MPPED2: variants seen among roughly 807,000 people sequenced by gnomAD.
MPPED2 encodes metallophosphoesterase domain containing 2, also known as metallophosphoesterase MPPED2.
A neutral mutation model predicts 33.0 loss-of-function variants in MPPED2; 5 were observed. That is an observed-to-expected ratio of 0.15 (90% CI 0.08 to 0.32). MPPED2 has a LOEUF of 0.32. Among genes scored for constraint, MPPED2 ranks in the 10% least tolerant of loss-of-function variants. The pLI is 1.00. For missense variants in MPPED2, 275 were observed against 372.1 expected, an observed-to-expected ratio of 0.74 and a Z score of 2.15; for synonymous variants, 136 against 141.9, an observed-to-expected ratio of 0.96 and a Z score of 0.29.
intron 6 of MPPED2, among the ~76,000 whole-genome samples, chr11:30,392,974 T>C (rs992166899): frequency 1.3e-5 from 2 of 152,160 alleles, no homozygotes; most frequent in East Asian, 3.9e-4. Context: ...TTGGTTCAAG[T>C]CTTCCCTCTG....
intron 4 of MPPED2, among the ~76,000 whole-genome samples, chr11:30,442,382 T>C (rs1590282074): frequency 1.3e-5 from 2 of 152,222 alleles, no homozygotes; most frequent in East Asian, 3.8e-4. Flanking sequence ...GAAGCTTTGC[T>C]GATTGCCCAC....
intron 1 of MPPED2, chr11:30,584,341 T>TACACACACACACACACACACAC (rs142791324): frequency 1.8e-5 from 2 of 111,686 alleles, no homozygotes; most frequent in African/African-American, 6.3e-5. Context: ...CTTTATGAAC[T>TACACACACACACACACACACAC]ACACACACAC....
chr11:30,440,773 T>G (rs1949536203), intron 4 of MPPED2, among the ~76,000 whole-genome samples: 2 of 152,188 alleles, frequency 1.3e-5, no homozygotes, highest in South Asian at 4.1e-4. Flanking sequence ...AGGCCTCTCC[T>G]TTGACTTCTG....
chr11:30,386,059 A>C (rs1365738364), exon 7 of MPPED2: 1 of 152,156 alleles, frequency 6.6e-6, no homozygotes, highest in African/African-American at 2.4e-5. Flanking sequence ...TTGCATTACT[A>C]TAAAGGAATA....
chr11:30,419,319 A>G (rs1257665011), intron 4 of MPPED2, among the ~76,000 whole-genome samples: 1 of 152,148 alleles, frequency 6.6e-6, no homozygotes. Flanking sequence ...TCCAAAAACA[A>G]TGTTTGCCAC....
chr11:30,436,652 T>C (rs958897789), intron 4 of MPPED2, among the ~76,000 whole-genome samples: 2 of 152,238 alleles, frequency 1.3e-5, no homozygotes, highest in Non-Finnish European at 2.9e-5. Flanking sequence ...ATTATTACTG[T>C]GGGAGTTTTC....
intron 2 of MPPED2, among the ~76,000 whole-genome samples, chr11:30,554,601 G>A (rs1035992413): frequency 2.6e-3 from 7 of 2,734 alleles, no homozygotes; most frequent in South Asian, 0.033. Flanking sequence ...GGAGATTCTC[G>A]TGCCTCACTC....
chr11:30,495,289 C>T lies in MPPED2; in HGVS notation c.536+7G>A. 6.3e-7 allele frequency: 1 copy of T among 1,596,224 alleles called. No homozygotes were observed. The highest frequency in any genetic ancestry group is 8.6e-7 in the Non-Finnish European group (1 of 1,163,818). On this transcript the variant is annotated splice_region_variant and intron_variant, in intron 4 of 6. Transcript: ENST00000358117. ...CAATGTGGAAAACTGTTTGAATCAT[C>T]ACTTACCAAGGTGCACCGTATATCC...
intron 4 of MPPED2, among the ~76,000 whole-genome samples, chr11:30,446,098 A>C (rs1949796079): frequency 6.6e-6 from 1 of 152,392 alleles, no homozygotes; most frequent in South Asian, 2.1e-4. Context: ...TTGGTTGCAG[A>C]TAGCTGCAAA....
chr11:30,494,167 C>T (rs916679108), intron 4 of MPPED2, among the ~76,000 whole-genome samples: 20 of 152,140 alleles, frequency 1.3e-4, no homozygotes, highest in Non-Finnish European at 2.6e-4. Context: ...TCTACAGAGA[C>T]GGTAATTCTG....
chr11:30,534,882 T>C (rs1312835160), intron 3 of MPPED2, among the ~76,000 whole-genome samples: 1 of 152,170 alleles, frequency 6.6e-6, no homozygotes, highest in Non-Finnish European at 1.5e-5. Flanking sequence ...GCCAACCATA[T>C]GAATGCCATG....
chr11:30,538,516 G>A (rs1954932599), intron 2 of MPPED2, among the ~76,000 whole-genome samples: 1 of 152,078 alleles, frequency 6.6e-6, no homozygotes, highest in African/African-American at 2.4e-5. Flanking sequence ...ACATTATGGG[G>A]AACACTAGGC....
rs752852600 is a variant in MPPED2, at chr11:30,414,263, C to T, written c.731G>A (p.Arg244Gln). ...TCCACCAAACACATGGAGCTTGGGC[C>T]GGACTCGCCTCTGAACCGTGTTTAA... ...ELLNTVQRRVRPKLHVFGGIH... is the reference protein window; with the variant it reads ...ELLNTVQRRVQPKLHVFGGIH... The change falls in exon 6 of 7, where the codon CGG (arginine) becomes CAG (glutamine). Residue 244 changes from arginine (R) to glutamine (Q), a missense_variant. Arg to Gln is a conservative substitution (Grantham distance 43, BLOSUM62 1). Transcript: ENST00000358117. The T allele has an allele frequency of 1.2e-5, 19 of 1,613,742 alleles. No homozygotes were observed. Among genetic ancestry groups the T allele is most frequent in the East Asian group, 6.7e-5 (3 of 44,890 alleles).
At chr11:30,387,485 G>A (rs1173210016) in exon 7 of MPPED2, 1 of 152,240 alleles carries the variant, frequency 6.6e-6, no homozygotes, top group Non-Finnish European at 1.5e-5. Flanking sequence ...GGGAGGGATA[G>A]GAAACGAGAG....
intron 4 of MPPED2, among the ~76,000 whole-genome samples, chr11:30,462,533 C>A (rs1950550493): frequency 6.6e-6 from 1 of 152,114 alleles, no homozygotes. Context: ...GACAATTAGT[C>A]TTTTTAAAAT....
intron 3 of MPPED2, among the ~76,000 whole-genome samples, chr11:30,532,782 G>C (rs1443552047): frequency 6.6e-6 from 1 of 152,158 alleles, no homozygotes; most frequent in Non-Finnish European, 1.5e-5. Context: ...TATGACCTAA[G>C]ATGAAGCTGT....
rs34653693 is a variant in MPPED2, at chr11:30,417,426, T to G, written c.652+92A>C. 2.6e-4 allele frequency: 137 copies of G among 524,864 alleles called. No homozygotes were observed. In the Middle Eastern group the frequency reaches 4.2e-3, roughly 16 times the overall value. 32.5% of individuals were successfully genotyped at this position (524,864 alleles called of 1,614,324 possible). ...CTCGTATTCACTTTTTTTTTTTTTT[T>G]GGAGGAAAATGATTATGTCCCTGAA... is the stretch of plus-strand genomic sequence containing the variant. On this transcript the variant is annotated intron_variant, in intron 5 of 6. Transcript: ENST00000358117.
chr11:30,431,929 C>T (rs572652724), intron 4 of MPPED2, among the ~76,000 whole-genome samples: 2 of 152,262 alleles, frequency 1.3e-5, no homozygotes, highest in African/African-American at 4.8e-5. Flanking sequence ...AATTCCAGCA[C>T]TTTGGGAGGC....
Position 30,411,586 on chromosome 11 carries a change from C to T in MPPED2, c.767G>A (p.Gly256Asp). The T allele has an allele frequency of 6.2e-7, 1 of 1,610,860 alleles. No homozygotes were observed. The highest frequency in any genetic ancestry group is 8.5e-7 in the Non-Finnish European group (1 of 1,177,746). Residue 256 changes from glycine (G) to aspartate (D), a missense_variant and splice_region_variant, in exon 7 of 7, where the codon GGT (glycine) becomes GAT (aspartate). Gly to Asp is a moderately conservative substitution (Grantham distance 94). Transcript: ENST00000358117. ...KLHVFGGIHE[G>D]YGIMTDGYTT... is the part of the protein sequence containing the mutation. ...GTAACCGTCGGTCATGATGCCATAACCTGTGGGGAGAGCGTGTCACATTTA... is the reference window on the plus strand; with the variant it reads ...GTAACCGTCGGTCATGATGCCATAATCTGTGGGGAGAGCGTGTCACATTTA...
Sources: gnomAD v4.1 joint callset for allele counts (sites outside exome capture counted in the v4.1 genomes callset) on GRCh38, gnomAD v4.1.1 for gene constraint, MANE v1.5 for transcripts, NCBI Gene and HGNC (gene_info 2026-07-23, HGNC 2026-07-21) for gene names.